The following THTPA variants were observed in gnomAD, a reference collection of about 807,000 sequenced individuals.
THTPA encodes the protein thiamine-triphosphatase.
A neutral mutation model predicts 16.5 loss-of-function variants in THTPA; 16 were observed. The ratio of observed to expected loss-of-function variants is 0.97; its 90% confidence interval spans 0.66 to 1.47. The LOEUF (loss-of-function observed/expected upper bound fraction) is 1.47. THTPA is among the 40% of genes most tolerant of loss of function. THTPA has a pLI of 0.00. For missense variants in THTPA, 281 were observed against 280.9 expected (o/e 1.00, Z 0.00); for synonymous variants, 110 against 115.5 (o/e 0.95, Z 0.30).
chr14:23,526,850 C>T, the THTPA span: 3 of 1,528,668 alleles, frequency 2.0e-6, no homozygotes, highest in Non-Finnish European at 8.7e-7. Flanking sequence ...TCCTTACCTG[C>T]TGCCTGGTCT....
At chr14:23,550,644 T>C in the THTPA span, among the ~76,000 whole-genome samples, 1 of 152,128 alleles carries the variant, frequency 6.6e-6, no homozygotes, top group Admixed American at 6.5e-5. Flanking sequence ...TTGAAAATGA[T>C]AGGGCTGCTC....
chr14:23,531,796 TAG>T, the THTPA span: 1 of 1,250,782 alleles, frequency 8.0e-7, no homozygotes, highest in Non-Finnish European at 1.0e-6. Flanking sequence ...TTTTTTTTTC[TAG>T]AGAGAGTCTT....
chr14:23,558,241 C>G (rs1002197965), intron 1 of THTPA, among the ~76,000 whole-genome samples: 6 of 152,218 alleles, frequency 3.9e-5, no homozygotes, highest in Non-Finnish European at 7.3e-5. Flanking sequence ...TGAATCCCAC[C>G]CCATGGCTAT....
chr14:23,521,318 G>C, the THTPA span: 468 of 152,658 alleles, frequency 3.1e-3, 2 homozygotes, highest in Middle Eastern at 6.8e-3. Context: ...CTCCAGTTTG[G>C]TTAGAGTTTT....
At chr14:23,527,697 G>A in the THTPA span, 2 of 1,536,248 alleles carry the variant, frequency 1.3e-6, no homozygotes, top group African/African-American at 1.4e-5. Flanking sequence ...GCTGTTCCTG[G>A]CACAGTGGGC....
At chr14:23,531,283 C>T in the THTPA span, 6 of 737,116 alleles carry the variant, frequency 8.1e-6, no homozygotes, top group Non-Finnish European at 1.1e-5. Flanking sequence ...CCCTTCTTTG[C>T]CCCTCCACTC....
In THTPA at chr14:23,556,609, G is replaced by C. The variant is rs1882399849; in HGVS notation, c.-149G>C. The C allele has an allele frequency of 2.5e-6, 2 of 785,748 alleles. No homozygotes were observed. The highest frequency in any genetic ancestry group is 4.0e-6 in the Non-Finnish European group (2 of 505,684). 48.7% of individuals were successfully genotyped at this position (785,748 alleles called of 1,614,324 possible). On this transcript the variant is annotated 5_prime_UTR_variant, in exon 1 of 2. Coordinates refer to ENST00000288014, the MANE Select transcript of THTPA (RefSeq NM_024328.6). ...TCACCGAGGTAGAGAGAAAAGGGCA[G>C]TAGCCCTAGAGACTATTGCGACACA...
chr14:23,514,915 C>T, the THTPA span, among the ~76,000 whole-genome samples: 10 of 152,176 alleles, frequency 6.6e-5, no homozygotes, highest in Admixed American at 6.5e-4. Flanking sequence ...ATATCCACCT[C>T]CTTCCTACCC....
Position 23,559,657 on chromosome 14 carries a change from A to G in THTPA, c.*817A>G, listed in dbSNP as rs1595229349. The G allele has an allele frequency of 8.5e-7, 1 of 1,178,906 alleles. No individual in the cohort carries two copies. Among genetic ancestry groups the G allele is most frequent in the East Asian group, 2.5e-5 (1 of 40,098 alleles). The allele number at this position is 1,178,906 out of a possible 1,614,324, so 73.0% of individuals were successfully genotyped here. ...TTTTGCAGTGCAAAGCCAGAGCGCC[A>G]CCTGCTGGTAGCCCTCAGGTGTAGG... On this transcript the variant is annotated 3_prime_UTR_variant, in exon 2 of 2. Transcript: ENST00000288014.
chr14:23,546,474 C>A, the THTPA span, among the ~76,000 whole-genome samples: 1 of 152,142 alleles, frequency 6.6e-6, no homozygotes, highest in Non-Finnish European at 1.5e-5. This position sits in a 1 kb window ranked among gnomAD's most constrained non-coding sequence, Gnocchi z 4.7. Flanking sequence ...TGGACCTCAG[C>A]CCTGTCACCC....
At chr14:23,534,158 T>C in the THTPA span, 1 of 1,472,688 alleles carries the variant, frequency 6.8e-7, no homozygotes, top group Non-Finnish European at 9.0e-7. This position sits in a 1 kb window ranked among gnomAD's most constrained non-coding sequence, Gnocchi z 4.5. Flanking sequence ...GAGCTTTGGT[T>C]GAGTGGGGGG....
the THTPA span, chr14:23,525,472 G>A: frequency 6.5e-7 from 1 of 1,536,080 alleles, no homozygotes; most frequent in Admixed American, 2.0e-5. The surrounding 1 kb of genome is among the most constrained non-coding windows in gnomAD (Gnocchi z 5.9). Context: ...TAAGCATATT[G>A]GAGAAGAGTT....
At chr14:23,523,633 C>T in the THTPA span, 4 of 1,556,352 alleles carry the variant, frequency 2.6e-6, no homozygotes, top group Non-Finnish European at 3.5e-6. The surrounding 1 kb of genome is among the most constrained non-coding windows in gnomAD (Gnocchi z 4.1). Context: ...TCTTGGGCAG[C>T]CCAATCTCCT....
the THTPA span, chr14:23,531,555 C>T: frequency 1.3e-6 from 2 of 1,523,062 alleles, no homozygotes. Flanking sequence ...AGTGGTTGGG[C>T]CATTCTGTAG....
rs1045040 is a variant in THTPA at position 23,559,540 on chromosome 14, A to G, written c.*700A>G. The G allele has an allele frequency of 5.2e-6, 3 of 572,302 alleles. No individual in the cohort carries two copies. The African/African-American group carries it at 5.6e-5, about 11-fold the overall frequency. The allele number at this position is 572,302 out of a possible 1,614,324, so 35.5% of individuals were successfully genotyped here. A position where few individuals can be genotyped will look rare whatever the true frequency, so the allele number is the denominator to read the frequency against. ...TCTTCCCTTGCTGTTATTCATACAC[A>G]CTTTCCACTTCAAATATACCCAAAT... On this transcript the variant is annotated 3_prime_UTR_variant, in exon 2 of 2. Coordinates refer to ENST00000288014, the MANE Select transcript of THTPA (RefSeq NM_024328.6).
At position 23,558,871 on chromosome 14, in the gene THTPA, T is replaced by C. The variant is rs749295932; in HGVS notation, c.*31T>C. 1.5e-5 allele frequency: 24 copies of C among 1,612,802 alleles called. 1 individual carries two copies. In the East Asian group the frequency reaches 5.3e-4, roughly 36 times the overall value. Reference sequence around the variant, plus strand: ...TCACTTCCTAGAAGGGGAAGGGAACTCTGGGTCTAACGGAGTCCACTCCTG... The same window carrying C: ...TCACTTCCTAGAAGGGGAAGGGAACCCTGGGTCTAACGGAGTCCACTCCTG... On this transcript the variant is annotated 3_prime_UTR_variant, in exon 2 of 2. Coordinates refer to ENST00000288014, the MANE Select transcript of THTPA (RefSeq NM_024328.6).
At chr14:23,527,596 G>C in the THTPA span, 9 of 1,536,484 alleles carry the variant, frequency 5.9e-6, 1 homozygote, top group South Asian at 1.1e-4. Flanking sequence ...CACCCAGCCT[G>C]TACTCACTAC....
At chr14:23,528,607 A>G in the THTPA span, 3 of 985,198 alleles carry the variant, frequency 3.0e-6, no homozygotes, top group African/African-American at 3.5e-5. Context: ...TCTGTGAACC[A>G]TCACCTGGAA....
the THTPA span, chr14:23,527,030 C>T: frequency 6.9e-7 from 1 of 1,451,344 alleles, no homozygotes; most frequent in East Asian, 2.5e-5. Flanking sequence ...CCCTATGCCA[C>T]TCCTGACCCA....
Sources: gnomAD v4.1 joint callset for allele counts (sites outside exome capture counted in the v4.1 genomes callset) on GRCh38, gnomAD v4.1.1 for gene constraint, Gnocchi (gnomAD v3.1) non-coding constraint, MANE v1.5 for transcripts, NCBI Gene and HGNC (gene_info 2026-07-23, HGNC 2026-07-21) for gene names.